The following TIAM2 variants were observed in gnomAD, a reference collection of about 807,000 sequenced individuals.
The protein encoded by TIAM2 is rho guanine nucleotide exchange factor TIAM2.
Under a neutral mutation model 152.9 loss-of-function variants are expected in TIAM2, and 80 were observed. That is an observed-to-expected ratio of 0.52 (90% CI 0.44 to 0.63). TIAM2 has a LOEUF of 0.63. Among genes scored for constraint, TIAM2 ranks in the 30% least tolerant of loss-of-function variants. TIAM2 has a pLI of 0.00. For synonymous variants in TIAM2, 804 were observed against 838.0 expected (o/e 0.96, Z 0.70); for missense variants, 1,965 against 2,120.1 (o/e 0.93, Z 1.44).
At chr6:155,056,065 G>T (rs1777443566) in intron 1 of TIAM2, among the ~76,000 whole-genome samples, 1 of 150,566 alleles carries the variant, frequency 6.6e-6, no homozygotes, top group Non-Finnish European at 1.5e-5. Context: ...TTTACAAATA[G>T]TTCATTAAAA....
intron 1 of TIAM2, among the ~76,000 whole-genome samples, chr6:155,040,638 C>T (rs915620140): frequency 6.6e-6 from 1 of 152,110 alleles, no homozygotes; most frequent in African/African-American, 2.4e-5. Flanking sequence ...CGTGCCTCAG[C>T]CTCCCGGGTA....
At position 155,251,236 on chromosome 6, in the gene TIAM2, C is replaced by T. The variant is rs1747511495; in HGVS notation, c.4060+215C>T. Reference sequence around the variant, plus strand: ...TCTCCCTTCTGCTGCTTGGCTCAGGCCAAGTGTTACAGGAACAGATCCCTG... The same window carrying T: ...TCTCCCTTCTGCTGCTTGGCTCAGGTCAAGTGTTACAGGAACAGATCCCTG... On this transcript the variant is annotated intron_variant, in intron 22 of 26. Coordinates refer to ENST00000682666, the MANE Select transcript of TIAM2 (RefSeq NM_012454.4). Among the ~76,000 whole-genome samples the T allele has an allele frequency of 1.3e-5, 2 of 152,210 alleles. 1 individual carries two copies. The highest frequency in any genetic ancestry group is 4.1e-4 in the South Asian group (2 of 4,822).
At chr6:155,133,031 C>T (rs1259395818) in intron 4 of TIAM2, among the ~76,000 whole-genome samples, 1 of 152,210 alleles carries the variant, frequency 6.6e-6, no homozygotes, top group East Asian at 1.9e-4. Flanking sequence ...AAAAACTTAA[C>T]TCTGAATTGT....
intron 9 of TIAM2, among the ~76,000 whole-genome samples, chr6:155,168,269 T>C (rs1443614728): frequency 6.6e-6 from 1 of 152,168 alleles, no homozygotes; most frequent in African/African-American, 2.4e-5. Flanking sequence ...TTAAAAAAAG[T>C]AGGTATGAGC....
intron 16 of TIAM2, among the ~76,000 whole-genome samples, chr6:155,242,250 C>T (rs548786874): frequency 1.5e-4 from 23 of 152,378 alleles, no homozygotes; most frequent in African/African-American, 2.9e-4. Context: ...CCAACACCCT[C>T]GGACAAAATA....
chr6:155,179,092 T>A lies in TIAM2; in HGVS notation c.2577T>A (p.Asp859Glu). Residue 859 changes from aspartate (D) to glutamate (E), a missense_variant, in exon 11 of 27, where the codon GAT (aspartate) becomes GAA (glutamate). By Grantham distance (45) the Asp-to-Glu change is conservative. Around this residue, in one of 3 missense-constraint regions of TIAM2, gnomAD observed 1,025 missense variants for 1,119.4 expected, o/e 0.92. Coordinates refer to ENST00000682666, the MANE Select transcript of TIAM2 (RefSeq NM_012454.4). Reference sequence around the variant, plus strand: ...GCCTACAGCTTCGAAAATTAGTAGATGACAATGTTGAGTATTGCATCCCTG... The same window carrying A: ...GCCTACAGCTTCGAAAATTAGTAGAAGACAATGTTGAGTATTGCATCCCTG... The part of the protein sequence containing the change: ...HYGLQLRKLV[D>E]DNVEYCIPAP... The A allele has an allele frequency of 6.2e-7, 1 of 1,614,170 alleles. No homozygotes were observed. The highest frequency in any genetic ancestry group is 8.5e-7 in the Non-Finnish European group (1 of 1,180,014).
chr6:155,251,263 G>T (rs914060407), intron 22 of TIAM2, among the ~76,000 whole-genome samples: 1 of 152,132 alleles, frequency 6.6e-6, no homozygotes, highest in South Asian at 2.1e-4. Flanking sequence ...AGATCCCTGC[G>T]GCTATTTTGA....
chr6:155,051,790 G>A lies in TIAM2; in HGVS notation c.-208-38499G>A, dbSNP rs113774927. On this transcript the variant is annotated intron_variant, in intron 1 of 26. Coordinates refer to ENST00000682666, the MANE Select transcript of TIAM2 (RefSeq NM_012454.4). The stretch of plus-strand genomic sequence containing the variant: ...CTCCTAAGTAGCTGGGATTACAGGC[G>A]CACACTACCACGCCCAGCTAATTTT... Among the ~76,000 whole-genome samples the A allele has an allele frequency of 9.6e-3, 1,464 of 152,062 alleles. 15 individuals carry two copies. Among genetic ancestry groups the A allele is most frequent in the African/African-American group, 0.021 (867 of 41,466 alleles).
chr6:155,245,755 G>GTTTTC, intron 19 of TIAM2, 24 bp downstream of exon 19: 1 of 1,022,126 alleles, frequency 9.8e-7, no homozygotes, highest in Non-Finnish European at 1.4e-6. Context: ...GCCTTTTATA[G>GTTTTC]TTTTTTTTTT....
At chr6:155,042,587 ACT>A (rs1253599353) in intron 1 of TIAM2, among the ~76,000 whole-genome samples, 1 of 151,944 alleles carries the variant, frequency 6.6e-6, no homozygotes, top group Non-Finnish European at 1.5e-5. Context: ...ACAGAGTGAG[ACT>A]CTGTCTCAAA....
At chr6:155,077,995 A>G (rs933749955) in intron 1 of TIAM2, among the ~76,000 whole-genome samples, 3 of 152,220 alleles carry the variant, frequency 2.0e-5, no homozygotes, top group African/African-American at 7.2e-5. Flanking sequence ...AATATTGATT[A>G]ATGGTGACAG....
At chr6:155,182,043 C>T (rs932918720) in intron 12 of TIAM2, among the ~76,000 whole-genome samples, 183 bp from the exon 13 acceptor site, 2 of 152,212 alleles carry the variant, frequency 1.3e-5, no homozygotes, top group Non-Finnish European at 2.9e-5. Flanking sequence ...TTAAGCCTCT[C>T]GTTTGACATT....
chr6:155,050,593 A>C (rs9689772), intron 1 of TIAM2, among the ~76,000 whole-genome samples: 48,471 of 152,100 alleles, frequency 0.32, 7,977 homozygotes, highest in East Asian at 0.51. Context: ...CCTGCAGCCA[A>C]GCGAGAGGCT....
At chr6:155,006,712 A>G (rs1187404779) in intron 1 of TIAM2, among the ~76,000 whole-genome samples, 3 of 148,804 alleles carry the variant, frequency 2.0e-5, no homozygotes, top group Non-Finnish European at 4.5e-5. Flanking sequence ...AAAAAAAGAC[A>G]CAGTGTTACT....
chr6:155,119,961 C>G (rs1184383440), intron 2 of TIAM2, among the ~76,000 whole-genome samples: 1 of 152,204 alleles, frequency 6.6e-6, no homozygotes, highest in African/African-American at 2.4e-5. Context: ...ATACTGGTAT[C>G]AATTCATCGA....
intron 6 of TIAM2, among the ~76,000 whole-genome samples, chr6:155,146,768 A>ATTTTTTTTT (rs373361803): frequency 1.5e-3 from 201 of 135,790 alleles, no homozygotes; most frequent in Non-Finnish European, 2.0e-3. Context: ...TGCCTGGCTA[A>ATTTTTTTTT]TTTTTTTTTT....
At chr6:155,069,175 A>G (rs889953143) in intron 1 of TIAM2, among the ~76,000 whole-genome samples, 4 of 151,694 alleles carry the variant, frequency 2.6e-5, no homozygotes, top group Non-Finnish European at 5.9e-5. Flanking sequence ...ACTCACTACA[A>G]CCTCCGCCTC....
At chr6:155,029,175 G>A (rs200295037) in intron 1 of TIAM2, among the ~76,000 whole-genome samples, 3 of 84,460 alleles carry the variant, frequency 3.6e-5, no homozygotes, top group African/African-American at 1.3e-4. Context: ...TACACTATAT[G>A]TACTATGTGT....
chr6:155,177,061 T>A (rs1006973226), intron 10 of TIAM2, 84 bp downstream of exon 10: 4 of 1,390,662 alleles, frequency 2.9e-6, no homozygotes, highest in Non-Finnish European at 3.9e-6. Context: ...ATTCATGTGA[T>A]ATTCAAGGGC....
Sources: allele counts gnomAD v4.1 joint callset (sites outside exome capture counted in the v4.1 genomes callset), GRCh38; gene constraint gnomAD v4.1.1; regional missense constraint gnomAD v4.1.1; transcripts MANE v1.5; gene names NCBI Gene and HGNC (gene_info 2026-07-23, HGNC 2026-07-21).